TMCC3: variants seen among roughly 807,000 people sequenced by gnomAD.
TMCC3 encodes transmembrane and coiled-coil domain protein 3.
A neutral mutation model predicts 40.2 loss-of-function variants in TMCC3; 28 were observed. The observed-to-expected ratio is 0.70, with a 90% CI of 0.52 to 0.95. The LOEUF is 0.95. TMCC3 is among the 40% of genes least tolerant of loss of function. The pLI is 0.00. For missense variants in TMCC3, 554 were observed against 615.2 expected, an observed-to-expected ratio of 0.90 and a Z score of 1.05; for synonymous variants, 255 against 248.5, an observed-to-expected ratio of 1.03 and a Z score of -0.25.
At chr12:94,644,202 T>C (rs1393518447) in intron 1 of TMCC3, among the ~76,000 whole-genome samples, 2 of 152,218 alleles carry the variant, frequency 1.3e-5, no homozygotes, top group Admixed American at 1.3e-4. Context: ...ATGTTCTCTT[T>C]CGAAGGAATG....
intron 1 of TMCC3, among the ~76,000 whole-genome samples, chr12:94,593,383 G>A (rs1195213598): frequency 1.7e-5 from 1 of 58,484 alleles, no homozygotes; most frequent in Non-Finnish European, 3.0e-5. Flanking sequence ...GAAAAGAAAA[G>A]AAAGAAGAAA....
chr12:94,636,403 G>A (rs147758475), intron 1 of TMCC3, among the ~76,000 whole-genome samples: 395 of 152,240 alleles, frequency 2.6e-3, no homozygotes, highest in African/African-American at 9.0e-3. Flanking sequence ...TTTATTCAGC[G>A]CTTGCTATCC....
At chr12:94,623,721 C>T (rs941382859) in intron 1 of TMCC3, among the ~76,000 whole-genome samples, 6 of 152,246 alleles carry the variant, frequency 3.9e-5, no homozygotes, top group Non-Finnish European at 5.9e-5. Context: ...TAAGGAAACA[C>T]GTGTGGGCTA....
chr12:94,608,436 C>G (rs1349723124), intron 1 of TMCC3, among the ~76,000 whole-genome samples: 1 of 152,160 alleles, frequency 6.6e-6, no homozygotes, highest in Admixed American at 6.5e-5. Context: ...AATCTCCCCT[C>G]TCCCTTGCCT....
At chr12:94,616,568 T>C (rs923059811) in intron 1 of TMCC3, 1 of 152,388 alleles carries the variant, frequency 6.6e-6, no homozygotes, top group African/African-American at 2.4e-5. Context: ...CAAAGGGGCA[T>C]AGCCGCCTCC....
Position 94,568,102 on chromosome 12 carries a change from A to C in TMCC3, c.*3333T>G, listed in dbSNP as rs994283375. ...TAACAGCCTCACCGGCTGAAATGAA[A>C]GACGGAGTTTCGGAAGATTTCCTTC... is the stretch of plus-strand genomic sequence containing the variant. On this transcript the variant is annotated 3_prime_UTR_variant, in exon 4 of 4. Coordinates refer to ENST00000261226, the MANE Select transcript of TMCC3 (RefSeq NM_020698.4). The C allele has an allele frequency of 6.6e-6, 1 of 152,228 alleles. No individual in the cohort carries two copies. The highest frequency in any genetic ancestry group is 1.9e-4 in the East Asian group (1 of 5,204). The allele number at this position is 152,228 out of a possible 1,614,324, so 9.4% of individuals were successfully genotyped here.
In TMCC3 at chr12:94,641,334, C is replaced by G. The variant is rs556076879; in HGVS notation, c.78+9019G>C. Among the ~76,000 whole-genome samples the G allele has an allele frequency of 4.6e-5, 7 of 152,196 alleles. No individual in the cohort carries two copies. The East Asian group carries it at 1.4e-3, about 29-fold the overall frequency. On this transcript the variant is annotated intron_variant, in intron 1 of 3. Coordinates refer to ENST00000261226, the MANE Select transcript of TMCC3 (RefSeq NM_020698.4). Reference sequence around the variant, plus strand: ...ATAATATTAACCAGGAATAGAAGGGCGGTTCAAAGAATGAATCTGATATAC... The same window carrying G: ...ATAATATTAACCAGGAATAGAAGGGGGGTTCAAAGAATGAATCTGATATAC...
chr12:94,588,742 G>C (rs552966093), intron 1 of TMCC3, among the ~76,000 whole-genome samples: 2 of 151,972 alleles, frequency 1.3e-5, no homozygotes, highest in Non-Finnish European at 2.9e-5. Flanking sequence ...TAAAGTCTAG[G>C]CCAACCTTGT....
At chr12:94,630,124 G>C (rs1310982974) in intron 1 of TMCC3, among the ~76,000 whole-genome samples, 1 of 152,118 alleles carries the variant, frequency 6.6e-6, no homozygotes, top group Non-Finnish European at 1.5e-5. Context: ...AAATTAGCCA[G>C]GCATGGTGGC....
chr12:94,585,735 T>G (rs951003066), intron 1 of TMCC3, among the ~76,000 whole-genome samples: 9 of 152,150 alleles, frequency 5.9e-5, no homozygotes, highest in Non-Finnish European at 8.8e-5. Flanking sequence ...CCTTCTGCCA[T>G]GAAGCTTTTC....
rs746858390 is a variant in TMCC3, at chr12:94,571,364, AT to A, written c.*70del. On this transcript the variant is annotated 3_prime_UTR_variant, in exon 4 of 4. Coordinates refer to ENST00000261226, the MANE Select transcript of TMCC3 (RefSeq NM_020698.4). ...AGTCCGCACAATCATTCACTGTAAA[AT>A]TTGGTAGTATGCACAGAGTTTTCTT... 2 of 1,497,302 alleles carry A rather than the reference AT, an allele frequency of 1.3e-6. No homozygotes were observed. Among genetic ancestry groups the A allele is most frequent in the South Asian group, 2.5e-5 (2 of 78,756 alleles). The allele number at this position is 1,497,302 out of a possible 1,614,324, so 92.8% of individuals were successfully genotyped here. A position where few individuals can be genotyped will look rare whatever the true frequency, so the allele number is the denominator to read the frequency against.
At chr12:94,645,284 A>C (rs2069011936) in intron 1 of TMCC3, among the ~76,000 whole-genome samples, 1 of 152,232 alleles carries the variant, frequency 6.6e-6, no homozygotes, top group South Asian at 2.1e-4. Flanking sequence ...AGGAGGCACA[A>C]AATGCTAGCA....
chr12:94,646,742 T>TTC (rs964845356), intron 1 of TMCC3, among the ~76,000 whole-genome samples: 4 of 140,152 alleles, frequency 2.9e-5, no homozygotes, highest in African/African-American at 9.9e-5. Context: ...CCTGGCTTTT[T>TTC]TTTTTTTTTT....
At chr12:94,638,026 C>T (rs551487885) in intron 1 of TMCC3, among the ~76,000 whole-genome samples, 1 of 152,136 alleles carries the variant, frequency 6.6e-6, no homozygotes, top group South Asian at 2.1e-4. Flanking sequence ...AGAAAGGAGA[C>T]CGGAGTTCAA....
intron 1 of TMCC3, among the ~76,000 whole-genome samples, chr12:94,636,622 A>G (rs903531354): frequency 1.3e-5 from 2 of 152,366 alleles, no homozygotes; most frequent in East Asian, 3.9e-4. Flanking sequence ...AATTAATCAA[A>G]AGGGAGAGTG....
At position 94,571,359 on chromosome 12, in the gene TMCC3, G is replaced by A. The variant is rs779031259; in HGVS notation, c.*76C>T. The stretch of plus-strand genomic sequence containing the variant: ...ACACGAGTCCGCACAATCATTCACT[G>A]TAAAATTTGGTAGTATGCACAGAGT... On this transcript the variant is annotated 3_prime_UTR_variant, in exon 4 of 4. Transcript: ENST00000261226. The A allele has an allele frequency of 3.4e-6, 5 of 1,468,296 alleles. No individual in the cohort carries two copies. The South Asian group carries it at 6.5e-5, about 19-fold the overall frequency. The allele number at this position is 1,468,296 out of a possible 1,614,324, so 91.0% of individuals were successfully genotyped here. A position where few individuals can be genotyped will look rare whatever the true frequency, so the allele number is the denominator to read the frequency against.
intron 1 of TMCC3, among the ~76,000 whole-genome samples, chr12:94,594,849 G>A (rs186571206): frequency 6.6e-6 from 1 of 152,274 alleles, no homozygotes; most frequent in South Asian, 2.1e-4. Flanking sequence ...CCTGTACTTA[G>A]TGTAAGTTTC....
intron 1 of TMCC3, among the ~76,000 whole-genome samples, chr12:94,625,554 A>G (rs945684199): frequency 1.1e-4 from 16 of 149,650 alleles, no homozygotes; most frequent in African/African-American, 4.0e-4. Context: ...AAATCGTGCC[A>G]CTGCACTCCA....
At chr12:94,592,500 C>T (rs565924943) in intron 1 of TMCC3, among the ~76,000 whole-genome samples, 94 of 150,828 alleles carry the variant, frequency 6.2e-4, no homozygotes, top group African/African-American at 2.0e-3. Flanking sequence ...AAAAATGAGC[C>T]GGGTGTGGTG....
Sources: gnomAD v4.1 joint callset for allele counts (sites outside exome capture counted in the v4.1 genomes callset) on GRCh38, gnomAD v4.1.1 for gene constraint, MANE v1.5 for transcripts, NCBI Gene and HGNC (gene_info 2026-07-23, HGNC 2026-07-21) for gene names.